Variants in TSPAN5 observed in about 807,000 individuals in gnomAD.
TSPAN5 encodes tetraspanin 5.
Under a neutral mutation model 37.1 loss-of-function variants are expected in TSPAN5, and 10 were observed. The observed-to-expected ratio is 0.27, with a 90% CI of 0.17 to 0.46. TSPAN5 has a LOEUF of 0.46. Among genes scored for constraint, TSPAN5 ranks in the 20% least tolerant of loss-of-function variants. TSPAN5 has a pLI of 1.00. For missense variants in TSPAN5, 195 were observed against 326.6 expected, an observed-to-expected ratio of 0.60 and a Z score of 3.11; for synonymous variants, 110 against 118.9, an observed-to-expected ratio of 0.93 and a Z score of 0.48.
chr4:98,528,988 C>G (rs2110126197), intron 1 of TSPAN5, among the ~76,000 whole-genome samples: 1 of 152,276 alleles, frequency 6.6e-6, no homozygotes, highest in South Asian at 2.1e-4. Context: ...AGTTAAGTGA[C>G]TCACCCAAGG....
intron 1 of TSPAN5, among the ~76,000 whole-genome samples, chr4:98,557,578 A>G (rs758371365): frequency 2.0e-5 from 3 of 152,238 alleles, no homozygotes; most frequent in African/African-American, 4.8e-5. Flanking sequence ...AATTCCAAAT[A>G]ATTTATGTAA....
chr4:98,598,894 A>G (rs1392063652), intron 1 of TSPAN5, among the ~76,000 whole-genome samples: 4 of 152,208 alleles, frequency 2.6e-5, no homozygotes, highest in African/African-American at 9.6e-5. Context: ...GAAGAGGAAA[A>G]TGCACCAGAA....
At chr4:98,639,481 C>T (rs556725926) in intron 1 of TSPAN5, among the ~76,000 whole-genome samples, 83 of 139,606 alleles carry the variant, frequency 5.9e-4, no homozygotes, top group Middle Eastern at 4.1e-3. Context: ...CTGTGACTGG[C>T]TAATTTTTTT....
Position 98,476,413 on chromosome 4 carries a change from T to C in TSPAN5, c.624A>G (p.Pro208=). ...TQCGYDARQK[P]EVDQQIVIYT... ...AGCAACAACATGAGATTCCACTTAC[T>C]GGTTTTTGCCTGGCATCATAGCCAC... The change falls in exon 6 of 8, where the codon CCA becomes CCG. Residue 208 remains proline (P), a splice_region_variant and synonymous_variant. Coordinates refer to ENST00000305798, the MANE Select transcript of TSPAN5 (RefSeq NM_005723.4). 2 of 1,614,234 alleles carry C rather than the reference T, an allele frequency of 1.2e-6. No homozygotes were observed. The highest frequency in any genetic ancestry group is 1.7e-6 in the Non-Finnish European group (2 of 1,180,038).
At chr4:98,519,494 AGAAAGGAAAG>A (rs1753808315) in intron 1 of TSPAN5, among the ~76,000 whole-genome samples, 1 of 151,960 alleles carries the variant, frequency 6.6e-6, no homozygotes, top group Non-Finnish European at 1.5e-5. Flanking sequence ...TGAGTCTGTT[AGAAAGGAAAG>A]GAAAGGAAAA....
chr4:98,545,564 C>G (rs1343855031), intron 1 of TSPAN5, among the ~76,000 whole-genome samples: 1 of 151,730 alleles, frequency 6.6e-6, no homozygotes, highest in Non-Finnish European at 1.5e-5. Flanking sequence ...GGGTCTTGCT[C>G]TGTCACCCAG....
chr4:98,576,974 T>C (rs1755252718), intron 1 of TSPAN5, among the ~76,000 whole-genome samples: 1 of 152,152 alleles, frequency 6.6e-6, no homozygotes, highest in Admixed American at 6.5e-5. Context: ...TTGACCAGGC[T>C]GATCTTGAAC....
rs566554589 is a variant in TSPAN5, at chr4:98,547,329, A to G, written c.82-39601T>C. Among the ~76,000 whole-genome samples the G allele has an allele frequency of 5.4e-4, 83 of 152,320 alleles. No homozygotes were observed. In the South Asian group the frequency reaches 0.017, roughly 31 times the overall value. Reference sequence around the variant, plus strand: ...ACTTTCCCTTTCCTTCCAAGTGGCGAGAACTGGGCCTGTGCCTGCTCCAAA... The same window carrying G: ...ACTTTCCCTTTCCTTCCAAGTGGCGGGAACTGGGCCTGTGCCTGCTCCAAA... On this transcript the variant is annotated intron_variant, in intron 1 of 7. Coordinates refer to ENST00000305798, the MANE Select transcript of TSPAN5 (RefSeq NM_005723.4).
intron 2 of TSPAN5, among the ~76,000 whole-genome samples, chr4:98,491,878 A>G (rs1753094441): frequency 6.6e-6 from 1 of 151,308 alleles, no homozygotes; most frequent in Non-Finnish European, 1.5e-5. Flanking sequence ...AAGAGTAATT[A>G]TAATTAAACC....
chr4:98,644,391 G>C (rs1448705056), intron 1 of TSPAN5, among the ~76,000 whole-genome samples: 1 of 152,052 alleles, frequency 6.6e-6, no homozygotes, highest in Non-Finnish European at 1.5e-5. Context: ...CGGAGCACCT[G>C]ACGAAGAGTT....
intron 1 of TSPAN5, among the ~76,000 whole-genome samples, chr4:98,521,152 G>A (rs1249454290): frequency 6.6e-6 from 1 of 152,190 alleles, no homozygotes; most frequent in African/African-American, 2.4e-5. Flanking sequence ...GGCGGGTCTT[G>A]AACTCCTGAC....
At chr4:98,549,758 T>C (rs1288650787) in intron 1 of TSPAN5, among the ~76,000 whole-genome samples, 1 of 152,126 alleles carries the variant, frequency 6.6e-6, no homozygotes, top group East Asian at 1.9e-4. Flanking sequence ...TGTTAAGTTG[T>C]TTGAGTTTCT....
chr4:98,502,596 T>C (rs1032928762), intron 2 of TSPAN5, among the ~76,000 whole-genome samples: 1 of 152,160 alleles, frequency 6.6e-6, no homozygotes, highest in Non-Finnish European at 1.5e-5. Context: ...CAGCATGGGT[T>C]CAATAAGAAA....
intron 1 of TSPAN5, among the ~76,000 whole-genome samples, chr4:98,513,913 A>G (rs962401002): frequency 2.8e-5 from 4 of 144,068 alleles, no homozygotes; most frequent in African/African-American, 1.0e-4. Context: ...TAGATAGTAT[A>G]TATCAAGTTC....
At chr4:98,557,172 A>G (rs1423667971) in intron 1 of TSPAN5, among the ~76,000 whole-genome samples, 3 of 152,318 alleles carry the variant, frequency 2.0e-5, no homozygotes, top group African/African-American at 7.2e-5. Flanking sequence ...AAAATAGTAC[A>G]TTTTATCATA....
intron 2 of TSPAN5, 106 bp downstream of exon 2, chr4:98,507,572 C>A: frequency 1.4e-6 from 1 of 729,584 alleles, no homozygotes; most frequent in Non-Finnish European, 2.2e-6. Context: ...TGTTAAAGAG[C>A]CATGTTTATA....
intron 1 of TSPAN5, among the ~76,000 whole-genome samples, chr4:98,528,371 C>T (rs1185060676): frequency 6.6e-6 from 1 of 150,548 alleles, no homozygotes; most frequent in Non-Finnish European, 1.5e-5. Context: ...ACTATCAAAC[C>T]AACAGAACTG....
intron 1 of TSPAN5, among the ~76,000 whole-genome samples, chr4:98,533,709 C>A (rs1016535088): frequency 6.7e-6 from 1 of 148,900 alleles, no homozygotes; most frequent in Non-Finnish European, 1.5e-5. Context: ...CGCCACCAAG[C>A]CTGGCTAATT....
In TSPAN5 at chr4:98,552,603, A is replaced by G. The variant is rs555558879; in HGVS notation, c.82-44875T>C. 5.3e-5 allele frequency among the ~76,000 whole-genome samples: 8 copies of G among 152,338 alleles called. No individual in the cohort carries two copies. In the South Asian group the frequency reaches 1.7e-3, roughly 32 times the overall value. On this transcript the variant is annotated intron_variant, in intron 1 of 7. Transcript: ENST00000305798. ...ACAGCATTCCACCTATCTCACATTA[A>G]CAATTGGTTTGGGACTAGTGGGTGC... is the stretch of plus-strand genomic sequence containing the variant.
Sources: gnomAD v4.1 joint callset for allele counts (sites outside exome capture counted in the v4.1 genomes callset) on GRCh38, gnomAD v4.1.1 for gene constraint, MANE v1.5 for transcripts, NCBI Gene and HGNC (gene_info 2026-07-23, HGNC 2026-07-21) for gene names.